Variants in FIGN observed in about 807,000 individuals in gnomAD.
The protein encoded by FIGN is fidgetin.
A neutral mutation model predicts 51.3 loss-of-function variants in FIGN; 11 were observed. The observed-to-expected ratio is 0.21, with a 90% CI of 0.13 to 0.35. The LOEUF is 0.35. FIGN is among the 10% of genes least tolerant of loss of function. The probability of loss-of-function intolerance (pLI) is 1.00; values close to 1 mark genes in which losing one functional copy is unlikely to be tolerated. For missense variants in FIGN, 857 were observed against 943.6 expected (o/e 0.91, Z 1.20); for synonymous variants, 407 against 363.2 (o/e 1.12, Z -1.37).
At chr2:163,704,615 G>GTCTCTTTCTCTC (rs1684465319) in intron 2 of FIGN, among the ~76,000 whole-genome samples, 1 of 145,726 alleles carries the variant, frequency 6.9e-6, no homozygotes, top group African/African-American at 2.6e-5. Context: ...CCCACAGACT[G>GTCTCTTTCTCTC]TCTCTCTCTT....
At chr2:163,666,160 A>G (rs1034902884) in intron 2 of FIGN, among the ~76,000 whole-genome samples, 1 of 152,180 alleles carries the variant, frequency 6.6e-6, no homozygotes, top group African/African-American at 2.4e-5. Context: ...TAGAAAGAAT[A>G]TGGATGCAGG....
Position 163,610,799 on chromosome 2 carries a change from G to C in FIGN, c.1033C>G (p.Gln345Glu). 3 of 1,614,078 alleles carry C rather than the reference G, an allele frequency of 1.9e-6. No homozygotes were observed. The highest frequency in any genetic ancestry group is 1.7e-6 in the Non-Finnish European group (2 of 1,180,002). The change falls in exon 3 of 3, where the codon CAG becomes GAG. Residue 345 changes from glutamine (Q) to glutamate (E), a missense_variant. Gln to Glu is a conservative substitution (Grantham distance 29). Around this residue, in one of 3 missense-constraint regions of FIGN, gnomAD observed 799 missense variants for 849.5 expected, o/e 0.94. Transcript: ENST00000333129. ...NYSYGQQRST[Q>E]SPMYRMPDNS... is the part of the protein sequence containing the mutation. ...TCGGGCATTCTGTACATAGGACTCTGTGTAGATCTCTGTTGGCCATAGCTG... is the reference window on the plus strand; with the variant it reads ...TCGGGCATTCTGTACATAGGACTCTCTGTAGATCTCTGTTGGCCATAGCTG...
At position 163,610,523 on chromosome 2, in the gene FIGN, G is replaced by A. The variant is rs779586480; in HGVS notation, c.1309C>T (p.Leu437Phe). ...GGGCCTTGCATTGGGTGAGAGAGGA[G>A]CTGCCTGTGCTCGTCCCCATGCTCA... ...MSEHGDEHRQ[L>F]LSHPMQGPGL... Residue 437 changes from leucine (L) to phenylalanine (F), a missense_variant, in exon 3 of 3, where the codon CTC becomes TTC. This residue lies in a region of FIGN where 799 missense variants were observed against 849.5 expected (regional missense o/e 0.94). Coordinates refer to ENST00000333129, the MANE Select transcript of FIGN (RefSeq NM_018086.4). 1.2e-6 allele frequency: 2 copies of A among 1,614,174 alleles called. No individual in the cohort carries two copies. Among genetic ancestry groups the A allele is most frequent in the South Asian group, 1.1e-5 (1 of 91,078 alleles).
At chr2:163,663,096 T>G (rs1030337248) in intron 2 of FIGN, among the ~76,000 whole-genome samples, 2 of 152,072 alleles carry the variant, frequency 1.3e-5, no homozygotes, top group Non-Finnish European at 2.9e-5. Context: ...TTTTTGGTAT[T>G]TTTTGGTAGA....
At chr2:163,617,843 T>C (rs1172843748) in intron 2 of FIGN, among the ~76,000 whole-genome samples, 1 of 152,216 alleles carries the variant, frequency 6.6e-6, no homozygotes, top group African/African-American at 2.4e-5. Flanking sequence ...ATTACCTGAA[T>C]AATATTTTGT....
intron 2 of FIGN, among the ~76,000 whole-genome samples, chr2:163,694,704 G>A (rs1452045584): frequency 6.6e-6 from 1 of 152,154 alleles, no homozygotes; most frequent in Non-Finnish European, 1.5e-5. Flanking sequence ...TCCTTTAATG[G>A]CTGTGCTCAA....
intron 2 of FIGN, among the ~76,000 whole-genome samples, chr2:163,612,895 C>T (rs112920512): frequency 5.9e-5 from 9 of 151,958 alleles, no homozygotes; most frequent in Admixed American, 3.3e-4. Flanking sequence ...GTAGGGCATA[C>T]GCTAGAGGAG....
intron 2 of FIGN, among the ~76,000 whole-genome samples, chr2:163,633,162 C>G (rs763090445): frequency 4.6e-5 from 7 of 151,874 alleles, no homozygotes; most frequent in Non-Finnish European, 8.8e-5. Flanking sequence ...CCAGCCTGAG[C>G]AACAGAATGA....
At chr2:163,626,055 A>C (rs115789309) in intron 2 of FIGN, among the ~76,000 whole-genome samples, 1 of 152,246 alleles carries the variant, frequency 6.6e-6, no homozygotes, top group African/African-American at 2.4e-5. Context: ...ACGACTCCTA[A>C]TTGAAGCCAA....
intron 2 of FIGN, among the ~76,000 whole-genome samples, chr2:163,696,532 T>C (rs977459712): frequency 2.0e-5 from 3 of 152,194 alleles, no homozygotes; most frequent in Admixed American, 2.0e-4. Flanking sequence ...CAGAGCACTT[T>C]GTGGAGATTC....
chr2:163,717,599 G>A (rs776108538), intron 2 of FIGN, among the ~76,000 whole-genome samples: 1 of 152,034 alleles, frequency 6.6e-6, no homozygotes, highest in Non-Finnish European at 1.5e-5. Flanking sequence ...AAGACCAAGT[G>A]TTTTTTGTCG....
chr2:163,731,281 A>G (rs1684924843), intron 2 of FIGN, among the ~76,000 whole-genome samples: 1 of 152,166 alleles, frequency 6.6e-6, no homozygotes, highest in African/African-American at 2.4e-5. Flanking sequence ...AAAAATAATT[A>G]ACCTATAATG....
At chr2:163,690,966 A>G (rs1430510240) in intron 2 of FIGN, among the ~76,000 whole-genome samples, 1 of 152,130 alleles carries the variant, frequency 6.6e-6, no homozygotes, top group Non-Finnish European at 1.5e-5. Flanking sequence ...ACCAGACAGT[A>G]TGAGGAACTG....
In FIGN at chr2:163,651,790, C is replaced by T. The variant is rs776349253; in HGVS notation, c.26-39984G>A. On this transcript the variant is annotated intron_variant, in intron 2 of 2. Transcript: ENST00000333129. ...GACTTTTGAAAGCAAGTCATTACAT[C>T]GTGGGCAAATGTATTTATGTTGTAC... Among the ~76,000 whole-genome samples the T allele has an allele frequency of 4.6e-5, 7 of 152,100 alleles. No individual in the cohort carries two copies. In the South Asian group the frequency reaches 1.5e-3, roughly 32 times the overall value.
intron 2 of FIGN, among the ~76,000 whole-genome samples, chr2:163,731,594 G>A (rs76899033): frequency 0.024 from 3,645 of 151,858 alleles, 154 homozygotes; most frequent in African/African-American, 0.083. Flanking sequence ...CTCAGCTACA[G>A]GAGTCTTAAA....
intron 2 of FIGN, among the ~76,000 whole-genome samples, chr2:163,622,299 C>T (rs1055814244): frequency 6.6e-6 from 1 of 151,990 alleles, no homozygotes; most frequent in African/African-American, 2.4e-5. Flanking sequence ...CATGTCACTG[C>T]ACTCCAGCCT....
At chr2:163,722,245 G>GT (rs1684769866) in intron 2 of FIGN, among the ~76,000 whole-genome samples, 1 of 152,134 alleles carries the variant, frequency 6.6e-6, no homozygotes, top group Non-Finnish European at 1.5e-5. Flanking sequence ...TTAAGTTATC[G>GT]TATCAACTGT....
At chr2:163,673,654 C>T (rs1683913972) in intron 2 of FIGN, among the ~76,000 whole-genome samples, 1 of 152,070 alleles carries the variant, frequency 6.6e-6, no homozygotes, top group Non-Finnish European at 1.5e-5. Flanking sequence ...AAAACGGAAG[C>T]TCAGATGGAT....
chr2:163,676,484 A>C (rs1239135), intron 2 of FIGN, among the ~76,000 whole-genome samples: 1 of 55,702 alleles, frequency 1.8e-5, no homozygotes, highest in African/African-American at 5.0e-5. Flanking sequence ...TATATATATA[A>C]CTAGAGTCTG....
Sources: gnomAD v4.1 joint callset for allele counts (sites outside exome capture counted in the v4.1 genomes callset) on GRCh38, gnomAD v4.1.1 for gene constraint, gnomAD v4.1.1 regional missense constraint, MANE v1.5 for transcripts, NCBI Gene and HGNC (gene_info 2026-07-23, HGNC 2026-07-21) for gene names.